The following ARK2C variants were observed in gnomAD, a reference collection of about 807,000 sequenced individuals.
ARK2C encodes the protein E3 ubiquitin-protein ligase ARK2C.
At chr18:46,456,323 C>A in the ARK2C span, among the ~76,000 whole-genome samples, 8 of 152,154 alleles carry the variant, frequency 5.3e-5, no homozygotes, top group African/African-American at 1.7e-4. Context: ...GGTCTGAATG[C>A]GTCTAAGACA....
chr18:46,460,838 C>T, the ARK2C span: 1 of 152,590 alleles, frequency 6.6e-6, no homozygotes, highest in Non-Finnish European at 1.5e-5. Flanking sequence ...GTATTTAGCA[C>T]ATATATAAAT....
the ARK2C span, among the ~76,000 whole-genome samples, chr18:46,390,728 G>A: frequency 6.6e-6 from 1 of 152,170 alleles, no homozygotes; most frequent in African/African-American, 2.4e-5. Context: ...TGGGAAGGCG[G>A]TGGCTCGGAA....
chr18:46,446,479 T>C, the ARK2C span, among the ~76,000 whole-genome samples: 1 of 151,944 alleles, frequency 6.6e-6, no homozygotes, highest in African/African-American at 2.4e-5. Context: ...AAGACCAGCC[T>C]GGACAACATG....
chr18:46,423,897 G>T, the ARK2C span, among the ~76,000 whole-genome samples: 1 of 151,942 alleles, frequency 6.6e-6, no homozygotes, highest in Non-Finnish European at 1.5e-5. Context: ...CCTTTCCCTC[G>T]TTCCTCCTTC....
At chr18:46,422,729 A>T in the ARK2C span, among the ~76,000 whole-genome samples, 1 of 152,330 alleles carries the variant, frequency 6.6e-6, no homozygotes, top group East Asian at 1.9e-4. Context: ...TGGTGGGCCA[A>T]AAAGGGCCCT....
chr18:46,458,048 AG>A, the ARK2C span: 1 of 152,386 alleles, frequency 6.6e-6, no homozygotes. Flanking sequence ...TTCTCCTTTG[AG>A]GGGGGAGAGA....
chr18:46,375,326 G>C, the ARK2C span, among the ~76,000 whole-genome samples: 121 of 152,182 alleles, frequency 8.0e-4, no homozygotes, highest in African/African-American at 1.9e-3. Flanking sequence ...GCCGAAGTGG[G>C]TGGGTCACTT....
At chr18:46,341,540 T>C in the ARK2C span, among the ~76,000 whole-genome samples, 1 of 152,142 alleles carries the variant, frequency 6.6e-6, no homozygotes, top group Non-Finnish European at 1.5e-5. Flanking sequence ...GATAAGCACA[T>C]AGAACTTCAG....
At chr18:46,412,984 C>A in the ARK2C span, among the ~76,000 whole-genome samples, 31 of 152,122 alleles carry the variant, frequency 2.0e-4, no homozygotes, top group Middle Eastern at 3.2e-3. Context: ...GGGATGCTTG[C>A]ACGTCAAACA....
chr18:46,347,202 C>T, the ARK2C span, among the ~76,000 whole-genome samples: 1 of 152,210 alleles, frequency 6.6e-6, no homozygotes. Flanking sequence ...TGCGCCTCTC[C>T]CATGTAGGCC....
At chr18:46,387,945 A>G in the ARK2C span, among the ~76,000 whole-genome samples, 1 of 152,248 alleles carries the variant, frequency 6.6e-6, no homozygotes. Context: ...CTTCAAGCCT[A>G]CAGGCAGCAT....
the ARK2C span, chr18:46,334,646 G>A: frequency 4.6e-6 from 2 of 433,832 alleles, no homozygotes; most frequent in Admixed American, 4.4e-5. This position sits in a 1 kb window ranked among gnomAD's most constrained non-coding sequence, Gnocchi z 4.4. Flanking sequence ...AGCCCTGTAT[G>A]ATCGAAAGGA....
chr18:46,351,730 A>G, the ARK2C span, among the ~76,000 whole-genome samples: 2 of 152,186 alleles, frequency 1.3e-5, no homozygotes, highest in Non-Finnish European at 2.9e-5. Context: ...CATCGCCTGG[A>G]AACAGAGGCC....
the ARK2C span, among the ~76,000 whole-genome samples, chr18:46,445,744 G>A: frequency 3.9e-5 from 6 of 152,314 alleles, no homozygotes; most frequent in African/African-American, 1.4e-4. Context: ...TTGTCCTTCT[G>A]TTGATAACAG....
At chr18:46,379,197 T>A in the ARK2C span, among the ~76,000 whole-genome samples, 1 of 152,198 alleles carries the variant, frequency 6.6e-6, no homozygotes, top group Non-Finnish European at 1.5e-5. Context: ...ACGCTATCAT[T>A]CTGGCAAGTC....
chr18:46,361,522 G>A, the ARK2C span, among the ~76,000 whole-genome samples: 5 of 152,122 alleles, frequency 3.3e-5, no homozygotes, highest in Admixed American at 2.0e-4. Context: ...CCCTGTGCCC[G>A]GCCACACGGT....
At chr18:46,438,411 T>C in the ARK2C span, among the ~76,000 whole-genome samples, 5 of 152,198 alleles carry the variant, frequency 3.3e-5, no homozygotes, top group Admixed American at 2.0e-4. Context: ...ATCCCACCCA[T>C]TTGAGGGACA....
chr18:46,435,343 C>T, the ARK2C span: 1 of 1,614,208 alleles, frequency 6.2e-7, no homozygotes, highest in Non-Finnish European at 8.5e-7. Flanking sequence ...CCAGCTTCGA[C>T]TTCGGCCAAC....
At chr18:46,346,671 A>G in the ARK2C span, among the ~76,000 whole-genome samples, 1 of 152,186 alleles carries the variant, frequency 6.6e-6, no homozygotes, top group Non-Finnish European at 1.5e-5. Flanking sequence ...TGAGGATGAA[A>G]GAGAGTTCTC....
Sources: allele counts gnomAD v4.1 joint callset (sites outside exome capture counted in the v4.1 genomes callset), GRCh38; gene constraint gnomAD v4.1.1; non-coding constraint Gnocchi (gnomAD v3.1); transcripts MANE v1.5; gene names NCBI Gene and HGNC (gene_info 2026-07-23, HGNC 2026-07-21).